Variants in GRID1 observed in about 807,000 individuals in gnomAD.
GRID1 encodes glutamate receptor ionotropic, delta-1.
Under a neutral mutation model 98.0 loss-of-function variants are expected in GRID1, and 28 were observed. The observed-to-expected ratio is 0.29, with a 90% CI of 0.21 to 0.39. The LOEUF (loss-of-function observed/expected upper bound fraction) is 0.39. GRID1 is among the 10% of genes least tolerant of loss of function. The probability of loss-of-function intolerance (pLI) is 1.00; values close to 1 mark genes in which losing one functional copy is unlikely to be tolerated. For synonymous variants in GRID1, 553 were observed against 538.5 expected (o/e 1.03, Z -0.37); for missense variants, 1,111 against 1,340.5 (o/e 0.83, Z 2.67).
chr10:85,947,128 A>G (rs900727311), intron 4 of GRID1, among the ~76,000 whole-genome samples: 4 of 152,192 alleles, frequency 2.6e-5, no homozygotes, highest in Non-Finnish European at 5.9e-5. Context: ...GAAACACAGC[A>G]TGGCCGTGGC....
chr10:85,726,556 A>G (rs924874595), intron 10 of GRID1, among the ~76,000 whole-genome samples: 1 of 152,178 alleles, frequency 6.6e-6, no homozygotes, highest in African/African-American at 2.4e-5. Flanking sequence ...GGATGAAGGG[A>G]GGAGGGGTTT....
At chr10:85,990,354 C>T (rs953616616) in intron 4 of GRID1, among the ~76,000 whole-genome samples, 1 of 152,156 alleles carries the variant, frequency 6.6e-6, no homozygotes, top group Non-Finnish European at 1.5e-5. Flanking sequence ...AGTGGCCTAA[C>T]AGATGCAGAG....
chr10:85,841,722 A>G (rs189372379), intron 8 of GRID1, among the ~76,000 whole-genome samples: 145 of 152,324 alleles, frequency 9.5e-4, no homozygotes, highest in African/African-American at 3.3e-3. Flanking sequence ...ATAATATGAA[A>G]AAAAGCTCAA....
intron 2 of GRID1, among the ~76,000 whole-genome samples, chr10:86,222,166 C>A (rs1243756996): frequency 2.0e-5 from 3 of 152,192 alleles, no homozygotes; most frequent in East Asian, 1.9e-4. Context: ...GAGGGGGGGC[C>A]ACCCATTTGC....
At chr10:85,804,143 A>G (rs1401977506) in intron 8 of GRID1, among the ~76,000 whole-genome samples, 1 of 151,750 alleles carries the variant, frequency 6.6e-6, no homozygotes, top group Non-Finnish European at 1.5e-5. Flanking sequence ...TAGACTAGTT[A>G]AGGAAGAAAA....
rs777297759 is a variant in GRID1, at chr10:86,312,682, G to A, written c.235+51259C>T. On this transcript the variant is annotated intron_variant, in intron 2 of 15. Transcript: ENST00000327946. ...ATCACTGTCGATCACATCTCACAAG[G>A]TGACTTGGGAGACTGAGCCTTTTAT... is the stretch of plus-strand genomic sequence containing the variant. Among the ~76,000 whole-genome samples the A allele has an allele frequency of 9.2e-5, 14 of 152,348 alleles. No homozygotes were observed. In the South Asian group the frequency reaches 2.7e-3, roughly 29 times the overall value.
chr10:86,037,161 T>A (rs1218543703), intron 4 of GRID1, among the ~76,000 whole-genome samples: 1 of 152,150 alleles, frequency 6.6e-6, no homozygotes, highest in African/African-American at 2.4e-5. Flanking sequence ...CGTCCAAGCT[T>A]TGAGCAACAA....
intron 12 of GRID1, among the ~76,000 whole-genome samples, chr10:85,660,140 T>A (rs1840948793): frequency 1.3e-5 from 2 of 152,234 alleles, no homozygotes; most frequent in African/African-American, 4.8e-5. Context: ...TCACCTGGCA[T>A]GCTCTCTGGC....
chr10:86,011,458 A>G (rs1383436864), intron 4 of GRID1, among the ~76,000 whole-genome samples: 1 of 152,206 alleles, frequency 6.6e-6, no homozygotes, highest in Non-Finnish European at 1.5e-5. Context: ...TCGACTCCCA[A>G]AGAATATTAT....
Position 86,047,336 on chromosome 10 carries a change from A to T in GRID1, c.726+91483T>A, listed in dbSNP as rs555591452. 2.0e-5 allele frequency among the ~76,000 whole-genome samples: 3 copies of T among 152,350 alleles called. No individual in the cohort carries two copies. The South Asian group carries it at 6.2e-4, about 32-fold the overall frequency. On this transcript the variant is annotated intron_variant, in intron 4 of 15. Coordinates refer to ENST00000327946, the MANE Select transcript of GRID1 (RefSeq NM_017551.3). ...TTACACAGACTGGAGCTGGGCACAC[A>T]TTATTAAAACATAAGCTGAAAATCA...
intron 2 of GRID1, among the ~76,000 whole-genome samples, chr10:86,304,591 A>G (rs1188609880): frequency 6.6e-6 from 1 of 152,250 alleles, no homozygotes; most frequent in Non-Finnish European, 1.5e-5. Flanking sequence ...AAAGGCAGAA[A>G]GAGAAACTGG....
chr10:86,016,422 T>C (rs979205080), intron 4 of GRID1, among the ~76,000 whole-genome samples: 1 of 152,096 alleles, frequency 6.6e-6, no homozygotes, highest in African/African-American at 2.4e-5. Context: ...CCCTAGAGTG[T>C]AGGGCGGCAA....
At chr10:86,276,091 C>A (rs546094523) in intron 2 of GRID1, among the ~76,000 whole-genome samples, 1 of 152,292 alleles carries the variant, frequency 6.6e-6, no homozygotes, top group Non-Finnish European at 1.5e-5. Flanking sequence ...AGTGTCATAA[C>A]AGAATACCAC....
At chr10:86,138,704 T>A in intron 4 of GRID1, 115 bp downstream of exon 4, 1 of 763,086 alleles carries the variant, frequency 1.3e-6, no homozygotes, top group Non-Finnish European at 2.2e-6. Flanking sequence ...CACCTACGGG[T>A]CTCCATGTCC....
intron 8 of GRID1, among the ~76,000 whole-genome samples, chr10:85,821,459 G>GGT (rs1392886262): frequency 5.1e-5 from 7 of 136,274 alleles, no homozygotes; most frequent in Non-Finnish European, 1.1e-4. Context: ...AGAGGTTGCA[G>GGT]TGAGCTGAGA....
At chr10:86,030,284 A>G (rs900806730) in intron 4 of GRID1, among the ~76,000 whole-genome samples, 4 of 152,190 alleles carry the variant, frequency 2.6e-5, no homozygotes, top group Non-Finnish European at 4.4e-5. Context: ...AGGACAAGAC[A>G]GAAGGTTTAA....
At chr10:85,828,705 A>G (rs1216308562) in intron 8 of GRID1, among the ~76,000 whole-genome samples, 1 of 152,128 alleles carries the variant, frequency 6.6e-6, no homozygotes, top group Non-Finnish European at 1.5e-5. Context: ...TAGAAAACCT[A>G]GAAAAAAATG....
intron 5 of GRID1, among the ~76,000 whole-genome samples, chr10:85,900,652 T>A (rs1359891779): frequency 6.6e-6 from 1 of 152,210 alleles, no homozygotes; most frequent in Non-Finnish European, 1.5e-5. Context: ...GAACTTGAAC[T>A]GTAGAGGATC....
intron 8 of GRID1, among the ~76,000 whole-genome samples, chr10:85,793,293 CT>C (rs760535415): frequency 2.6e-5 from 4 of 152,162 alleles, no homozygotes; most frequent in Non-Finnish European, 5.9e-5. Context: ...CTGCCCCCAC[CT>C]AGCAGCTGCT....
Sources: allele counts gnomAD v4.1 joint callset (sites outside exome capture counted in the v4.1 genomes callset), GRCh38; gene constraint gnomAD v4.1.1; transcripts MANE v1.5; gene names NCBI Gene and HGNC (gene_info 2026-07-23, HGNC 2026-07-21).